NCAPG2: variants seen among roughly 807,000 people sequenced by gnomAD.
The protein encoded by NCAPG2 is condensin-2 complex subunit G2.
Under a neutral mutation model 141.1 loss-of-function variants are expected in NCAPG2, and 53 were observed. The observed-to-expected ratio is 0.38, with a 90% CI of 0.30 to 0.47. The LOEUF (loss-of-function observed/expected upper bound fraction) is 0.47, where lower values mean the gene tolerates loss of function less well. Ranked by LOEUF, NCAPG2 falls within the 20% of genes least tolerant of loss-of-function variation. NCAPG2 has a pLI of 0.99. For synonymous variants in NCAPG2, 499 were observed against 490.7 expected (o/e 1.02, Z -0.22); for missense variants, 1,087 against 1,389.0 (o/e 0.78, Z 3.46).
At chr7:158,638,479 A>G (rs980737737) in intron 27 of NCAPG2, among the ~76,000 whole-genome samples, 3 of 152,106 alleles carry the variant, frequency 2.0e-5, no homozygotes, top group African/African-American at 7.2e-5. Flanking sequence ...AGCTCAAGCA[A>G]TCCACCCACC....
intron 24 of NCAPG2, among the ~76,000 whole-genome samples, chr7:158,649,446 T>C (rs896531965): frequency 1.3e-5 from 2 of 152,182 alleles, no homozygotes; most frequent in Admixed American, 1.3e-4. Flanking sequence ...ACACGGCAAA[T>C]GGGCACAGCT....
At chr7:158,646,379 G>T (rs1459939366) in intron 25 of NCAPG2, 81 bp downstream of exon 25, 1 of 970,594 alleles carries the variant, frequency 1.0e-6, no homozygotes, top group Non-Finnish European at 1.5e-6. Flanking sequence ...AAAAACTTGA[G>T]TGTAAAAGGA....
intron 11 of NCAPG2, among the ~76,000 whole-genome samples, chr7:158,678,785 A>G (rs1379229530): frequency 6.6e-6 from 1 of 152,064 alleles, no homozygotes; most frequent in Admixed American, 6.5e-5. Context: ...ACAGCAAAAT[A>G]CTAATGACTT....
At chr7:158,699,897 T>G (rs887073587) in intron 2 of NCAPG2, among the ~76,000 whole-genome samples, 3 of 152,228 alleles carry the variant, frequency 2.0e-5, no homozygotes, top group East Asian at 3.8e-4. Flanking sequence ...GTTGTCCCTC[T>G]AACTCCATTT....
Position 158,652,276 on chromosome 7 carries a change from T to G in NCAPG2, c.2934+17A>C, listed in dbSNP as rs1181907755. 1 of 1,609,868 alleles carries G rather than the reference T, an allele frequency of 6.2e-7. No individual in the cohort carries two copies. The highest frequency in any genetic ancestry group is 8.5e-7 in the Non-Finnish European group (1 of 1,178,660). ...AAAGCCCATCTAGCGAACCCCGTCC[T>G]GGGGAGTTCTGAGTACCCGCAGGCC... is the stretch of plus-strand genomic sequence containing the variant. On this transcript the variant is annotated intron_variant, in intron 23 of 27. Coordinates refer to ENST00000356309, the MANE Select transcript of NCAPG2 (RefSeq NM_017760.7).
chr7:158,659,222 G>A (rs1168589125), intron 16 of NCAPG2, among the ~76,000 whole-genome samples: 3 of 150,814 alleles, frequency 2.0e-5, no homozygotes, highest in Admixed American at 1.3e-4. Context: ...CCAACTACTC[G>A]GAAGGCTGGG....
rs10268291 is a variant in NCAPG2, at chr7:158,699,587, C to G, written c.78+2235G>C. Among the ~76,000 whole-genome samples the G allele has an allele frequency of 1.7e-3, 252 of 152,262 alleles. 1 individual carries two copies. The highest frequency in any genetic ancestry group is 0.01 in the Middle Eastern group (3 of 294). On this transcript the variant is annotated intron_variant, in intron 2 of 27. Transcript: ENST00000356309. Reference sequence around the variant, plus strand: ...ACCTGCTATGACCCAAAGGCTCCAACCCCACTGCACTGCACCCTCCCCAGG... The same window carrying G: ...ACCTGCTATGACCCAAAGGCTCCAAGCCCACTGCACTGCACCCTCCCCAGG...
At chr7:158,651,158 C>T (rs957952982) in intron 23 of NCAPG2, among the ~76,000 whole-genome samples, 186 bp from the exon 24 acceptor site, 1 of 152,128 alleles carries the variant, frequency 6.6e-6, no homozygotes, top group African/African-American at 2.4e-5. Context: ...TCCTATGCAC[C>T]ACGGCCAGAA....
At chr7:158,694,804 T>A (rs1418197019) in intron 2 of NCAPG2, among the ~76,000 whole-genome samples, 2 of 152,200 alleles carry the variant, frequency 1.3e-5, no homozygotes, top group East Asian at 3.9e-4. Context: ...CGCTCCTTCA[T>A]TTTTCATCTA....
Position 158,646,465 on chromosome 7 carries a change from C to T in NCAPG2, c.3174G>A (p.Val1058=), listed in dbSNP as rs1168662229. The T allele has an allele frequency of 7.5e-6, 12 of 1,598,316 alleles. No individual in the cohort carries two copies. In the East Asian group the frequency reaches 2.7e-4, roughly 36 times the overall value. The change falls in exon 25 of 28, where the codon GTG becomes GTA. Residue 1058 remains valine, a synonymous_variant. Transcript: ENST00000356309. The stretch of plus-strand genomic sequence containing the variant: ...AGTAAAGAGAAAGTGATTACCTGAC[C>T]ACATTCGAAGACTTTATTATTATTC... ...LIGIIIKSSN[V]VRSFLDELKA... is the part of the protein sequence containing the mutation.
chr7:158,650,412 A>G (rs747691682), intron 24 of NCAPG2, among the ~76,000 whole-genome samples: 8 of 152,224 alleles, frequency 5.3e-5, no homozygotes, highest in Admixed American at 1.3e-4. Context: ...GGCTAATAAT[A>G]TAACATGCAA....
chr7:158,681,239 A>G (rs1253944184), intron 9 of NCAPG2, among the ~76,000 whole-genome samples: 2 of 152,220 alleles, frequency 1.3e-5, no homozygotes, highest in Non-Finnish European at 2.9e-5. Flanking sequence ...AACATGTGGT[A>G]ACTGTTTCAT....
At chr7:158,690,779 GT>G (rs1270921419) in intron 4 of NCAPG2, 57 bp from the exon 5 acceptor site, 12 of 1,500,736 alleles carry the variant, frequency 8.0e-6, no homozygotes, top group Non-Finnish European at 1.1e-5. Context: ...TTACTTCAGA[GT>G]CAACAGTTTA....
At chr7:158,664,848 T>A in intron 13 of NCAPG2, 98 bp from the exon 14 acceptor site, 1 of 956,770 alleles carries the variant, frequency 1.0e-6, no homozygotes, top group Non-Finnish European at 1.5e-6. Context: ...AAAAAGGAAC[T>A]AATTTTTATA....
chr7:158,690,103 T>G, intron 5 of NCAPG2, 150 bp from the exon 6 acceptor site: 6 of 781,132 alleles, frequency 7.7e-6, no homozygotes, highest in Non-Finnish European at 7.4e-6. Flanking sequence ...GATTTTAAAA[T>G]TTGCAAATGC....
Position 158,687,414 on chromosome 7 carries a change from T to A in NCAPG2, c.701A>T (p.Asn234Ile). ...CATTTTGATGAAGTTGATATTCCAG[T>A]TGAAGAGACAACTAAGAAATCTTCT... ...EGRRFLSCLF[N>I]WNINFIKMIH... is the part of the protein sequence containing the mutation. The change falls in exon 7 of 28, where the codon AAC becomes ATC. Residue 234 changes from asparagine to isoleucine, a missense_variant. Physicochemically the swap from Asn to Ile is moderately radical, Grantham distance 149. Coordinates refer to ENST00000356309, the MANE Select transcript of NCAPG2 (RefSeq NM_017760.7). 1 of 1,609,602 alleles carries A rather than the reference T, an allele frequency of 6.2e-7. No homozygotes were observed. The highest frequency in any genetic ancestry group is 2.2e-5 in the East Asian group (1 of 44,740).
rs1834343851 is a variant in NCAPG2, at chr7:158,679,943, C to T, written c.1146+17G>A. ...AAGCTGATATCTGTAAGAAGCTTGACCACCTGAAGTACGTACATAGAGCTC... is the reference window on the plus strand; with the variant it reads ...AAGCTGATATCTGTAAGAAGCTTGATCACCTGAAGTACGTACATAGAGCTC... On this transcript the variant is annotated intron_variant, in intron 11 of 27. Transcript: ENST00000356309. 2 of 1,612,248 alleles carry T rather than the reference C, an allele frequency of 1.2e-6. No individual in the cohort carries two copies. Among genetic ancestry groups the T allele is most frequent in the African/African-American group, 1.3e-5 (1 of 74,974 alleles).
intron 11 of NCAPG2, among the ~76,000 whole-genome samples, chr7:158,678,400 T>C (rs966248664): frequency 1.3e-5 from 2 of 152,224 alleles, no homozygotes; most frequent in African/African-American, 4.8e-5. Context: ...CCCACAGTGC[T>C]AAGAATGGTT....
intron 27 of NCAPG2, among the ~76,000 whole-genome samples, chr7:158,634,325 A>G (rs1288719018): frequency 1.3e-5 from 2 of 152,122 alleles, no homozygotes; most frequent in Non-Finnish European, 2.9e-5. Context: ...TTGTTATACT[A>G]TATTGTCTAT....
Sources: gnomAD v4.1 joint callset for allele counts (sites outside exome capture counted in the v4.1 genomes callset) on GRCh38, gnomAD v4.1.1 for gene constraint, MANE v1.5 for transcripts, NCBI Gene and HGNC (gene_info 2026-07-23, HGNC 2026-07-21) for gene names.